The following FGGY variants were observed in gnomAD, a reference collection of about 807,000 sequenced individuals.
The protein encoded by FGGY is FGGY carbohydrate kinase domain-containing protein.
A neutral mutation model predicts 71.3 loss-of-function variants in FGGY; 72 were observed. That is an observed-to-expected ratio of 1.01 (90% CI 0.84 to 1.23). The LOEUF is 1.23. Ranked by LOEUF, FGGY falls within the 50% of genes most tolerant of loss-of-function variation. The probability of loss-of-function intolerance (pLI) is 0.00; values close to 1 mark genes in which losing one functional copy is unlikely to be tolerated. For missense variants in FGGY, 668 were observed against 682.3 expected (o/e 0.98, Z 0.23); for synonymous variants, 251 against 250.3 (o/e 1.00, Z -0.02).
chr1:59,338,272 A>T (rs1486926572), intron 2 of FGGY, among the ~76,000 whole-genome samples: 1 of 152,144 alleles, frequency 6.6e-6, no homozygotes, highest in African/African-American at 2.4e-5. Flanking sequence ...TACTATGTTC[A>T]TGATAAATAT....
At chr1:59,517,157 C>CT (rs1403093431) in intron 7 of FGGY, among the ~76,000 whole-genome samples, 2 of 150,508 alleles carry the variant, frequency 1.3e-5, no homozygotes, top group East Asian at 3.9e-4. Context: ...ATAACATTAA[C>CT]TTTTTTCCAG....
intron 6 of FGGY, among the ~76,000 whole-genome samples, chr1:59,459,994 T>G (rs12046441): frequency 0.2 from 30,877 of 151,996 alleles, 3,430 homozygotes; most frequent in East Asian, 0.46. Context: ...AAATGTAAAT[T>G]CCAAGTCCAG....
intron 11 of FGGY, among the ~76,000 whole-genome samples, chr1:59,650,208 T>A (rs2097143316): frequency 6.8e-6 from 1 of 147,364 alleles, no homozygotes; most frequent in South Asian, 2.1e-4. Flanking sequence ...GGTCTAAAAT[T>A]CTCTTTTTTT....
chr1:59,641,429 G>A, intron 11 of FGGY: 1 of 1,196,712 alleles, frequency 8.4e-7, no homozygotes, highest in Non-Finnish European at 1.2e-6. Flanking sequence ...GCAGGCCTGT[G>A]CTAAACCCAG....
intron 4 of FGGY, among the ~76,000 whole-genome samples, chr1:59,351,651 A>G (rs1053700936): frequency 2.6e-5 from 4 of 152,160 alleles, no homozygotes; most frequent in African/African-American, 9.7e-5. Context: ...CAATAACTCA[A>G]TAAGGGGCTG....
At position 59,505,016 on chromosome 1, in the gene FGGY, C is replaced by G. The variant is rs932189810; in HGVS notation, c.671-7295C>G. 2.6e-5 allele frequency among the ~76,000 whole-genome samples: 4 copies of G among 151,922 alleles called. No individual in the cohort carries two copies. The South Asian group carries it at 8.3e-4, about 32-fold the overall frequency. Reference sequence around the variant, plus strand: ...TCTCTGTCTAGTGGGAAAGAGAGATCGAGGTATAAATAGGGGAAAAAATAA... The same window carrying G: ...TCTCTGTCTAGTGGGAAAGAGAGATGGAGGTATAAATAGGGGAAAAAATAA... On this transcript the variant is annotated intron_variant, in intron 6 of 15. Transcript: ENST00000303721.
chr1:59,378,730 T>C lies in FGGY; in HGVS notation c.466-19T>C, dbSNP rs763611105. 1.1e-5 allele frequency: 18 copies of C among 1,606,882 alleles called. No individual in the cohort carries two copies. The highest frequency in any genetic ancestry group is 1.1e-4 in the South Asian group (10 of 90,664). The stretch of plus-strand genomic sequence containing the variant: ...AGAAAAACCCCCTAATTGATTCTAA[T>C]ATATATTTAATTTGGCAGAACTTGA... On this transcript the variant is annotated intron_variant, in intron 4 of 15. Transcript: ENST00000303721.
intron 3 of FGGY, among the ~76,000 whole-genome samples, chr1:59,342,059 T>C (rs2050819650): frequency 6.6e-6 from 1 of 152,164 alleles, no homozygotes; most frequent in Admixed American, 6.5e-5. Flanking sequence ...GAACTTTAGA[T>C]ACTAAGAGTC....
chr1:59,543,010 G>C (rs2095468705), intron 7 of FGGY, among the ~76,000 whole-genome samples: 1 of 152,156 alleles, frequency 6.6e-6, no homozygotes, highest in Non-Finnish European at 1.5e-5. Context: ...GTGGAGAGGA[G>C]AGCTAAATCT....
intron 4 of FGGY, among the ~76,000 whole-genome samples, chr1:59,376,846 T>C (rs1344583316): frequency 6.6e-6 from 1 of 152,234 alleles, no homozygotes; most frequent in African/African-American, 2.4e-5. Context: ...GTAGGAAACC[T>C]TTCTTGCTAG....
At chr1:59,336,175 A>G (rs190928206) in intron 2 of FGGY, among the ~76,000 whole-genome samples, 2 of 152,234 alleles carry the variant, frequency 1.3e-5, no homozygotes, top group African/African-American at 4.8e-5. Flanking sequence ...GTGTGAGGTA[A>G]GAGTCTAAGT....
chr1:59,707,749 A>G (rs1326681549), intron 14 of FGGY, among the ~76,000 whole-genome samples: 1 of 152,184 alleles, frequency 6.6e-6, no homozygotes, highest in Non-Finnish European at 1.5e-5. Flanking sequence ...TTGGATGTGA[A>G]TAGAGATACG....
chr1:59,623,310 A>G (rs2096827589), intron 9 of FGGY, among the ~76,000 whole-genome samples: 1 of 152,202 alleles, frequency 6.6e-6, no homozygotes, highest in African/African-American at 2.4e-5. Flanking sequence ...CTCTTATGAC[A>G]TTCAAGACAC....
At chr1:59,422,696 G>GA (rs138277726) in intron 5 of FGGY, among the ~76,000 whole-genome samples, 14,752 of 125,732 alleles carry the variant, frequency 0.12, 977 homozygotes, top group Non-Finnish European at 0.17. Flanking sequence ...TGTCTCAAAG[G>GA]AAAAAAAAAA....
intron 12 of FGGY, among the ~76,000 whole-genome samples, chr1:59,661,721 T>G (rs1484239963): frequency 6.6e-6 from 1 of 151,484 alleles, no homozygotes; most frequent in East Asian, 2.0e-4. Flanking sequence ...TTTTTGTTTT[T>G]GTTTTTGTTT....
chr1:59,393,074 T>C (rs1157931998), intron 5 of FGGY: 1 of 152,218 alleles, frequency 6.6e-6, no homozygotes, highest in Non-Finnish European at 1.5e-5. Flanking sequence ...CTATATAAGG[T>C]GGCAGCCTGT....
In FGGY at chr1:59,585,346, A is replaced by G. The variant is rs989597815; in HGVS notation, c.904-22457A>G. 7.2e-5 allele frequency among the ~76,000 whole-genome samples: 11 copies of G among 152,314 alleles called. 1 individual carries two copies. Among genetic ancestry groups the G allele is most frequent in the Admixed American group, 4.6e-4 (7 of 15,296 alleles). On this transcript the variant is annotated intron_variant, in intron 8 of 15. Transcript: ENST00000303721. ...GATGCAGACCAATGGAACAGAACAG[A>G]GCCCTCAGAAATAATACCACACATC...
intron 6 of FGGY, among the ~76,000 whole-genome samples, chr1:59,472,246 A>G (rs1001935811): frequency 6.6e-6 from 1 of 152,160 alleles, no homozygotes; most frequent in Admixed American, 6.5e-5. Flanking sequence ...CCACCGGCCC[A>G]GGGCAGTGAG....
At chr1:59,712,754 A>C (rs2097804713) in intron 14 of FGGY, among the ~76,000 whole-genome samples, 1 of 152,150 alleles carries the variant, frequency 6.6e-6, no homozygotes, top group Non-Finnish European at 1.5e-5. Flanking sequence ...GGCCCGGCCC[A>C]CAACATCACT....
Sources: allele counts gnomAD v4.1 joint callset (sites outside exome capture counted in the v4.1 genomes callset), GRCh38; gene constraint gnomAD v4.1.1; transcripts MANE v1.5; gene names NCBI Gene and HGNC (gene_info 2026-07-23, HGNC 2026-07-21).